FHIT: variants seen among roughly 807,000 people sequenced by gnomAD.
FHIT encodes the protein bis(5'-adenosyl)-triphosphatase.
Under a neutral mutation model 17.9 loss-of-function variants are expected in FHIT, and 19 were observed. The ratio of observed to expected loss-of-function variants is 1.06; its 90% confidence interval spans 0.74 to 1.56. FHIT has a LOEUF of 1.56. Among genes scored for constraint, FHIT ranks in the 40% most tolerant of loss-of-function variants. FHIT has a pLI of 0.00. For missense variants in FHIT, 248 were observed against 189.2 expected, an observed-to-expected ratio of 1.31 and a Z score of -1.82; for synonymous variants, 81 against 69.7, an observed-to-expected ratio of 1.16 and a Z score of -0.81.
chr3:60,907,018 C>T (rs1272225261), intron 3 of FHIT, among the ~76,000 whole-genome samples: 1 of 152,038 alleles, frequency 6.6e-6, no homozygotes. Flanking sequence ...AGAAAAACAT[C>T]ATTAGGCACA....
intron 5 of FHIT, among the ~76,000 whole-genome samples, chr3:60,125,126 T>C (rs1008383532): frequency 1.3e-4 from 20 of 152,100 alleles, no homozygotes; most frequent in African/African-American, 4.6e-4. Context: ...TGTGGAGAAA[T>C]CCAGCAGCCA....
chr3:60,199,235 G>C (rs213295), intron 5 of FHIT, among the ~76,000 whole-genome samples: 145,735 of 152,292 alleles, frequency 0.96, 69,757 homozygotes, highest in East Asian at 1. Flanking sequence ...AGCAGCCTGA[G>C]AACATGTTAC....
chr3:60,946,182 G>C (rs1463178581), intron 3 of FHIT, among the ~76,000 whole-genome samples: 12 of 152,182 alleles, frequency 7.9e-5, no homozygotes, highest in Admixed American at 2.6e-4. Flanking sequence ...GGCCCCACAG[G>C]ATCAAAGAAC....
At chr3:60,018,684 A>G (rs1051199497) in intron 5 of FHIT, among the ~76,000 whole-genome samples, 1 of 152,128 alleles carries the variant, frequency 6.6e-6, no homozygotes, top group African/African-American at 2.4e-5. Context: ...GAGCCTTAAA[A>G]CAACATTGAT....
chr3:60,096,768 G>C (rs539597605), intron 5 of FHIT, among the ~76,000 whole-genome samples: 7 of 152,140 alleles, frequency 4.6e-5, no homozygotes, highest in African/African-American at 1.7e-4. Flanking sequence ...GCTAAATACA[G>C]AGCAGAGAGT....
chr3:60,849,208 G>C (rs1703043760), intron 3 of FHIT, among the ~76,000 whole-genome samples: 1 of 151,946 alleles, frequency 6.6e-6, no homozygotes, highest in East Asian at 1.9e-4. Flanking sequence ...AAAGGGAAGA[G>C]AAGGGAGAGA....
In FHIT at chr3:59,792,955, C is replaced by T. The variant is rs116429289; in HGVS notation, c.349-40634G>A. Among the ~76,000 whole-genome samples, 1,414 of 151,794 alleles carry T rather than the reference C, an allele frequency of 9.3e-3. 25 individuals are homozygous for T. Among genetic ancestry groups the T allele is most frequent in the African/African-American group, 0.031 (1,274 of 41,370 alleles). On this transcript the variant is annotated intron_variant, in intron 8 of 9. Coordinates refer to ENST00000492590, the MANE Select transcript of FHIT (RefSeq NM_002012.4). ...TCTCTGAAGCTCCAATAGCACCTCA[C>T]AGGTTCCACCTTACCCCACTGTACC... is the stretch of plus-strand genomic sequence containing the variant.
At chr3:60,341,044 A>G (rs1207860711) in intron 5 of FHIT, among the ~76,000 whole-genome samples, 1 of 152,122 alleles carries the variant, frequency 6.6e-6, no homozygotes, top group Non-Finnish European at 1.5e-5. Flanking sequence ...ATTGGGGAAT[A>G]TGATACCTCC....
intron 4 of FHIT, among the ~76,000 whole-genome samples, chr3:60,821,092 C>T (rs1170543468): frequency 6.6e-6 from 1 of 152,036 alleles, no homozygotes; most frequent in African/African-American, 2.4e-5. Flanking sequence ...TCTCCTGCCT[C>T]AGCCTCCTGA....
chr3:60,699,184 T>C (rs1340401899), intron 4 of FHIT, among the ~76,000 whole-genome samples: 2 of 152,174 alleles, frequency 1.3e-5, no homozygotes, highest in African/African-American at 4.8e-5. Flanking sequence ...GATTTACAGC[T>C]TTTTCCACTA....
At position 60,764,341 on chromosome 3, in the gene FHIT, C is replaced by T. The variant is rs782437766; in HGVS notation, c.-18+57578G>A. Among the ~76,000 whole-genome samples the T allele has an allele frequency of 1.6e-4, 24 of 152,274 alleles. No homozygotes were observed. In the Middle Eastern group the frequency reaches 0.017, roughly 108 times the overall value. ...TCCAGTCAAGGATACAGAAAACTCC[C>T]AGGCTGCCTTTCAGAAACAAAGCCC... is the stretch of plus-strand genomic sequence containing the variant. On this transcript the variant is annotated intron_variant, in intron 4 of 9. Coordinates refer to ENST00000492590, the MANE Select transcript of FHIT (RefSeq NM_002012.4).
Position 60,068,360 on chromosome 3 carries a change from T to C in FHIT, c.104-54208A>G, listed in dbSNP as rs78853517. On this transcript the variant is annotated intron_variant, in intron 5 of 9. Coordinates refer to ENST00000492590, the MANE Select transcript of FHIT (RefSeq NM_002012.4). Reference sequence around the variant, plus strand: ...TGTGATTTTTCTTAACAGCACAGTTTAAGTGGTCTTGACTCTGCATCTTAA... The same window carrying C: ...TGTGATTTTTCTTAACAGCACAGTTCAAGTGGTCTTGACTCTGCATCTTAA... Among the ~76,000 whole-genome samples the C allele has an allele frequency of 8.2e-4, 125 of 152,354 alleles. 1 individual carries two copies. In the East Asian group the frequency reaches 0.023, roughly 28 times the overall value.
At chr3:61,206,312 G>C (rs1472220789) in intron 1 of FHIT, among the ~76,000 whole-genome samples, 16 of 132,606 alleles carry the variant, frequency 1.2e-4, no homozygotes, top group African/African-American at 3.9e-4. Flanking sequence ...CTCTTTTTTG[G>C]TTCCATATGA....
At chr3:60,041,231 G>A (rs562222963) in intron 5 of FHIT, among the ~76,000 whole-genome samples, 1 of 152,286 alleles carries the variant, frequency 6.6e-6, no homozygotes, top group South Asian at 2.1e-4. Context: ...CTGCTCCTCA[G>A]ACTCTCACTT....
chr3:61,216,417 A>T (rs1341597690), intron 1 of FHIT, among the ~76,000 whole-genome samples: 2 of 152,262 alleles, frequency 1.3e-5, no homozygotes, highest in Non-Finnish European at 2.9e-5. Context: ...TGGCCATGAG[A>T]GAAATGCAAA....
intron 3 of FHIT, among the ~76,000 whole-genome samples, chr3:60,899,820 T>TA (rs1450104140): frequency 6.6e-6 from 1 of 152,098 alleles, no homozygotes; most frequent in Non-Finnish European, 1.5e-5. Context: ...CAGCTGGGCT[T>TA]ATGGGGATGG....
At chr3:61,206,248 G>T (rs2039225518) in intron 1 of FHIT, among the ~76,000 whole-genome samples, 1 of 131,140 alleles carries the variant, frequency 7.6e-6, no homozygotes, top group African/African-American at 2.9e-5. Context: ...AAGTCAGGTA[G>T]TGTGATGCCT....
Position 60,702,491 on chromosome 3 carries a change from A to G in FHIT, c.-18+119428T>C, listed in dbSNP as rs2041272066. On this transcript the variant is annotated intron_variant, in intron 4 of 9. Transcript: ENST00000492590. ...TATAGGCCTTTTTTGTTAAATTGTT[A>G]CTAAGGATTTTATATTTTTTGTTTC... Among the ~76,000 whole-genome samples, 3 of 151,792 alleles carry G rather than the reference A, an allele frequency of 2.0e-5. No homozygotes were observed. In the South Asian group the frequency reaches 6.2e-4, roughly 32 times the overall value.
Position 59,922,329 on chromosome 3 carries a change from A to G in FHIT, c.348+17T>C. On this transcript the variant is annotated intron_variant, in intron 8 of 9. Coordinates refer to ENST00000492590, the MANE Select transcript of FHIT (RefSeq NM_002012.4). ...GTCCCCGTGATCAAACAATAAGATC[A>G]GAGAGAACAGACCCACCTCCTCATA... 3 of 1,604,128 alleles carry G rather than the reference A, an allele frequency of 1.9e-6. No homozygotes were observed. Among genetic ancestry groups the G allele is most frequent in the Non-Finnish European group, 2.6e-6 (3 of 1,170,948 alleles).
Sources: allele counts gnomAD v4.1 joint callset (sites outside exome capture counted in the v4.1 genomes callset), GRCh38; gene constraint gnomAD v4.1.1; transcripts MANE v1.5; gene names NCBI Gene and HGNC (gene_info 2026-07-23, HGNC 2026-07-21).